The following EPM2A variants were observed in gnomAD, a reference collection of about 807,000 sequenced individuals.
EPM2A encodes laforin.
EPM2A carries 21 observed loss-of-function variants against 26.5 expected under a neutral mutation model. The ratio of observed to expected loss-of-function variants is 0.79; its 90% CI spans 0.56 to 1.14. The LOEUF (loss-of-function observed/expected upper bound fraction) is 1.14. Ranked by LOEUF, EPM2A falls within the 50% of genes most tolerant of loss-of-function variation. The pLI is 0.00. For missense variants in EPM2A, 458 were observed against 440.8 expected, an observed-to-expected ratio of 1.04 and a Z score of -0.35; for synonymous variants, 217 against 177.6, an observed-to-expected ratio of 1.22 and a Z score of -1.76.
chr6:145,568,770 A>G (rs1780917643), intron 2 of EPM2A, among the ~76,000 whole-genome samples: 1 of 152,184 alleles, frequency 6.6e-6, no homozygotes, highest in Non-Finnish European at 1.5e-5. Context: ...AGCCAGGCCC[A>G]CTCATAATAG....
chr6:145,615,920 A>G (rs1775503009), intron 2 of EPM2A, among the ~76,000 whole-genome samples: 1 of 152,198 alleles, frequency 6.6e-6, no homozygotes, highest in African/African-American at 2.4e-5. Flanking sequence ...TTCAGTTTTA[A>G]AAGGGAAACA....
rs1776141645 is a variant in EPM2A, at chr6:145,630,167, T to C, written c.719-2474A>G. On this transcript the variant is annotated intron_variant, in intron 3 of 3. Coordinates refer to ENST00000367519, the MANE Select transcript of EPM2A (RefSeq NM_005670.4). ...CAGGCACACACTCCTGAAAGGTACA[T>C]GTCAGCTAACATGCAGAAGCTCCCA... 2 of 152,254 alleles carry C rather than the reference T, an allele frequency of 1.3e-5. 1 individual carries two copies. Among genetic ancestry groups the C allele is most frequent in the Non-Finnish European group, 2.9e-5 (2 of 68,078 alleles). The allele number at this position is 152,254 out of a possible 1,614,324, so 9.4% of individuals were successfully genotyped here. A position where few individuals can be genotyped will look rare whatever the true frequency, so the allele number is the denominator to read the frequency against.
At chr6:145,419,823 A>G (rs1778759035) in intron 4 of EPM2A, among the ~76,000 whole-genome samples, 1 of 152,196 alleles carries the variant, frequency 6.6e-6, no homozygotes, top group Admixed American at 6.5e-5. Flanking sequence ...TAATTAATGA[A>G]ATAACTATTA....
At chr6:145,402,524 T>C (rs1451185256) in intron 4 of EPM2A, among the ~76,000 whole-genome samples, 1 of 152,144 alleles carries the variant, frequency 6.6e-6, no homozygotes, top group Non-Finnish European at 1.5e-5. Context: ...GCTTAGATAG[T>C]GATGTAGTAC....
chr6:145,445,762 C>G (rs1582761503), intron 4 of EPM2A, among the ~76,000 whole-genome samples: 1 of 152,126 alleles, frequency 6.6e-6, no homozygotes, highest in East Asian at 1.9e-4. Flanking sequence ...TATAAAAAGT[C>G]TACTTTTGAT....
intron 4 of EPM2A, among the ~76,000 whole-genome samples, chr6:145,396,287 T>A (rs899313995): frequency 6.6e-6 from 1 of 152,136 alleles, no homozygotes; most frequent in African/African-American, 2.4e-5. Flanking sequence ...CCGGGCTCCT[T>A]CCTCTCCCTC....
At chr6:145,710,392 A>G (rs1252719506) in intron 1 of EPM2A, among the ~76,000 whole-genome samples, 1 of 152,246 alleles carries the variant, frequency 6.6e-6, no homozygotes. Flanking sequence ...ACTGGCCATC[A>G]GAGAAATGCA....
At chr6:145,460,108 T>C (rs1779310912) in intron 4 of EPM2A, among the ~76,000 whole-genome samples, 1 of 152,170 alleles carries the variant, frequency 6.6e-6, no homozygotes, top group South Asian at 2.1e-4. Flanking sequence ...AAATACTAGT[T>C]CCTCCTGCTC....
intron 4 of EPM2A, among the ~76,000 whole-genome samples, chr6:145,432,597 C>T (rs867238138): frequency 1.3e-5 from 2 of 150,262 alleles, no homozygotes; most frequent in Non-Finnish European, 3.0e-5. Context: ...CTTTCTTGTT[C>T]CATTTATAGA....
At chr6:145,427,621 A>AGGAT (rs1382603929) in intron 4 of EPM2A, among the ~76,000 whole-genome samples, 5 of 152,222 alleles carry the variant, frequency 3.3e-5, no homozygotes, top group African/African-American at 1.2e-4. Context: ...TTTTCAAAAT[A>AGGAT]GGATATACAG....
At chr6:145,693,472 A>G (rs1028373869) in intron 1 of EPM2A, among the ~76,000 whole-genome samples, 3 of 152,026 alleles carry the variant, frequency 2.0e-5, no homozygotes, top group Non-Finnish European at 4.4e-5. Context: ...GAAGCTAAGC[A>G]TTGGATATAC....
intron 1 of EPM2A, among the ~76,000 whole-genome samples, chr6:145,694,899 G>C (rs1583069874): frequency 6.6e-6 from 1 of 151,908 alleles, no homozygotes; most frequent in East Asian, 1.9e-4. Context: ...CACTAGTCCT[G>C]TCTTATGGGA....
rs1332866458 is a variant in EPM2A, at chr6:145,527,481, G to T, written c.341-24906C>A. 3.9e-5 allele frequency among the ~76,000 whole-genome samples: 6 copies of T among 152,094 alleles called. No individual in the cohort carries two copies. The East Asian group carries it at 1.2e-3, about 29-fold the overall frequency. On this transcript the variant is annotated intron_variant, in intron 2 of 3. Transcript: ENST00000450221. ...GAATCTGCCCGCTCCAACATTGGGT[G>T]CATATACATGTAGAATAATTAAGTC...
chr6:145,476,914 A>G (rs1158798043), intron 4 of EPM2A, among the ~76,000 whole-genome samples: 1 of 151,886 alleles, frequency 6.6e-6, no homozygotes, highest in African/African-American at 2.4e-5. Context: ...AGCAAACCAA[A>G]CCCAACATTA....
intron 2 of EPM2A, among the ~76,000 whole-genome samples, chr6:145,516,836 C>T (rs1028346545): frequency 1.3e-5 from 2 of 152,162 alleles, no homozygotes; most frequent in Non-Finnish European, 2.9e-5. Context: ...CCAGCAATCC[C>T]GCTTCTGTAT....
intron 2 of EPM2A, chr6:145,639,254 A>G (rs1776909324): frequency 6.6e-6 from 1 of 152,186 alleles, no homozygotes; most frequent in Non-Finnish European, 1.5e-5. Context: ...TGGCAGCTCC[A>G]CTATAGACTA....
intron 4 of EPM2A, among the ~76,000 whole-genome samples, chr6:145,411,584 G>A (rs913391572): frequency 7.2e-5 from 11 of 151,954 alleles, no homozygotes; most frequent in African/African-American, 2.7e-4. Flanking sequence ...AAATTAGAAT[G>A]TAAAATTCTG....
intron 2 of EPM2A, among the ~76,000 whole-genome samples, chr6:145,537,518 T>C (rs1321940279): frequency 6.6e-6 from 1 of 152,054 alleles, no homozygotes; most frequent in Non-Finnish European, 1.5e-5. Context: ...TACTTCTTGG[T>C]TATCCTAAGC....
chr6:145,513,227 C>A (rs905493772), intron 2 of EPM2A, among the ~76,000 whole-genome samples: 1 of 152,088 alleles, frequency 6.6e-6, no homozygotes, highest in Non-Finnish European at 1.5e-5. Flanking sequence ...CAAACAACTT[C>A]ATTAAAAACT....
Sources: gnomAD v4.1 joint callset for allele counts (sites outside exome capture counted in the v4.1 genomes callset) on GRCh38, gnomAD v4.1.1 for gene constraint, MANE v1.5 for transcripts, NCBI Gene and HGNC (gene_info 2026-07-23, HGNC 2026-07-21) for gene names.